The following CWC15 variants were observed in gnomAD, a reference collection of about 807,000 sequenced individuals.
CWC15 encodes the protein CWC15 spliceosome associated protein.
Under a neutral mutation model 28.4 loss-of-function variants are expected in CWC15, and 12 were observed. That is an observed-to-expected ratio of 0.42 (90% CI 0.27 to 0.69). The LOEUF is 0.69. CWC15 is among the 30% of genes least tolerant of loss of function. The probability of loss-of-function intolerance (pLI) is 0.23; values close to 1 mark genes in which losing one functional copy is unlikely to be tolerated. For synonymous variants in CWC15, 92 were observed against 88.4 expected (o/e 1.04, Z -0.23); for missense variants, 192 against 271.5 (o/e 0.71, Z 2.06).
At chr11:94,970,852 G>A (rs1857709336) in intron 4 of CWC15, 125 bp downstream of exon 4, 2 of 803,590 alleles carry the variant, frequency 2.5e-6, no homozygotes, top group Non-Finnish European at 4.3e-6. Flanking sequence ...TGAGGTCAGG[G>A]CTATATTTGA....
chr11:94,969,911 T>C, intron 5 of CWC15, 78 bp downstream of exon 5: 3 of 721,370 alleles, frequency 4.2e-6, no homozygotes, highest in Non-Finnish European at 6.4e-6. Context: ...TATAAGAAGA[T>C]ATTACTTATA....
chr11:94,963,971 T>C (rs1448595033), intron 6 of CWC15, among the ~76,000 whole-genome samples: 1 of 152,092 alleles, frequency 6.6e-6, no homozygotes, highest in Non-Finnish European at 1.5e-5. Flanking sequence ...TCATCTACTG[T>C]AATATCCACA....
At chr11:94,971,595 A>C (rs1857723245) in intron 2 of CWC15, 108 bp from the exon 3 acceptor site, 1 of 652,468 alleles carries the variant, frequency 1.5e-6, no homozygotes, top group Admixed American at 3.0e-5. Flanking sequence ...TTGTCCTTCA[A>C]GCAGAAAAAA....
intron 2 of CWC15, 38 bp from the exon 3 acceptor site, chr11:94,971,525 A>AC (rs1555096256): frequency 9.0e-5 from 70 of 781,220 alleles, no homozygotes; most frequent in Non-Finnish European, 6.4e-6. Flanking sequence ...ATGTTACTTA[A>AC]ACACACACAC....
At position 94,966,434 on chromosome 11, in the gene CWC15, T is replaced by C. The variant is rs1555095315; in HGVS notation, c.442-21A>G. On this transcript the variant is annotated intron_variant, in intron 5 of 6. Transcript: ENST00000279839. Reference sequence around the variant, plus strand: ...TGTTCCTGTCAATGATAAAGGAAGATTAACACTTACTTATTTTAACTCTGG... The same window carrying C: ...TGTTCCTGTCAATGATAAAGGAAGACTAACACTTACTTATTTTAACTCTGG... The C allele has an allele frequency of 6.1e-6, 9 of 1,473,454 alleles. No homozygotes were observed. In the South Asian group the frequency reaches 8.7e-5, roughly 14 times the overall value. 91.3% of individuals were successfully genotyped at this position (1,473,454 alleles called of 1,614,324 possible). A position where few individuals can be genotyped will look rare whatever the true frequency, so the allele number is the denominator to read the frequency against.
intron 2 of CWC15, 25 bp downstream of exon 2, chr11:94,972,030 C>T (rs1041697078): frequency 5.0e-6 from 8 of 1,599,214 alleles, no homozygotes; most frequent in Non-Finnish European, 6.8e-6. Context: ...GTTTTGTGAA[C>T]AATAAAAAAA....
chr11:94,973,056 G>GT (rs1565415224), intron 1 of CWC15, among the ~76,000 whole-genome samples: 1 of 150,740 alleles, frequency 6.6e-6, no homozygotes, highest in Non-Finnish European at 1.5e-5. Flanking sequence ...TTGGGGGGGG[G>GT]GCGATGCTAA....
Position 94,970,989 on chromosome 11 carries a change from G to A in CWC15, c.321C>T (p.Asp107=). 1.2e-6 allele frequency: 2 copies of A among 1,612,274 alleles called. No homozygotes were observed. Among genetic ancestry groups the A allele is most frequent in the Non-Finnish European group, 8.5e-7 (1 of 1,178,342 alleles). The change falls in exon 4 of 7, where the codon GAC becomes GAT. Residue 107 remains aspartate (D), a synonymous_variant. Coordinates refer to ENST00000279839, the MANE Select transcript of CWC15 (RefSeq NM_016403.4). ...AAACAAAACATACATCTGTTAGAGG[G>A]TCATCTGCATCAAGGTTGGCGGCAG... ...QIPAANLDAD[D]PLTDEEDEDF...
intron 5 of CWC15, among the ~76,000 whole-genome samples, chr11:94,969,182 T>A (rs1203852005): frequency 3.9e-5 from 6 of 152,172 alleles, no homozygotes; most frequent in Admixed American, 3.9e-4. Context: ...TCCTTGATAA[T>A]CAGCTTTATC....
At chr11:94,966,226 T>TATACACAC (rs1423710883) in intron 6 of CWC15, 69 bp downstream of exon 6, 22 of 670,734 alleles carry the variant, frequency 3.3e-5, no homozygotes, top group Middle Eastern at 3.5e-4. Flanking sequence ...CATACACATA[T>TATACACAC]ACACACACAC....
At chr11:94,968,151 A>T (rs1202575668) in intron 5 of CWC15, among the ~76,000 whole-genome samples, 10 of 152,224 alleles carry the variant, frequency 6.6e-5, no homozygotes, top group African/African-American at 2.4e-4. Context: ...TTATTGAAAC[A>T]TTGCCACACT....
intron 4 of CWC15, 61 bp downstream of exon 4, chr11:94,970,916 A>G: frequency 7.6e-7 from 1 of 1,315,736 alleles, no homozygotes; most frequent in South Asian, 1.2e-5. Context: ...AGACATAACA[A>G]GTATTTTAGA....
rs1857718064 is a variant in CWC15 at position 94,971,408 on chromosome 11, C to T, written c.211G>A (p.Ala71Thr). ...RELEERERAA[A>T]REKNRDRPTR... ...GGACGATCCCTATTTTTCTCTCTTG[C>T]AGCAGCTCTCTCTCTTTCTTCCAAC... The change falls in exon 3 of 7, where the codon GCA becomes ACA. Residue 71 changes from alanine (A) to threonine (T), a missense_variant. Ala to Thr is a moderately conservative substitution (Grantham distance 58). Around this residue, in one of 2 missense-constraint regions of CWC15, gnomAD observed 188 missense variants for 250.3 expected, o/e 0.75. Coordinates refer to ENST00000279839, the MANE Select transcript of CWC15 (RefSeq NM_016403.4). The T allele has an allele frequency of 6.2e-7, 1 of 1,612,834 alleles. No individual in the cohort carries two copies. The highest frequency in any genetic ancestry group is 8.5e-7 in the Non-Finnish European group (1 of 1,179,376).
intron 6 of CWC15, among the ~76,000 whole-genome samples, chr11:94,964,324 G>T (rs782751954): frequency 6.6e-5 from 10 of 152,118 alleles, no homozygotes; most frequent in Non-Finnish European, 1.2e-4. Context: ...AACTGCACAT[G>T]GGAACAAATG....
At chr11:94,966,272 A>G (rs949891727) in intron 6 of CWC15, 23 bp downstream of exon 6, 1 of 1,081,386 alleles carries the variant, frequency 9.2e-7, no homozygotes, top group African/African-American at 1.7e-5. Context: ...CACACACTCC[A>G]TTACTCCGTT....
intron 4 of CWC15, 87 bp from the exon 5 acceptor site, chr11:94,970,183 A>G (rs1857700360): frequency 3.7e-6 from 2 of 541,440 alleles, no homozygotes; most frequent in African/African-American, 2.0e-5. Context: ...TCACCCTAAG[A>G]AAGTCAAAAC....
At position 94,966,354 on chromosome 11, in the gene CWC15, G is replaced by A; in HGVS notation, c.501C>T (p.Asn167=). 6.4e-7 allele frequency: 1 copy of A among 1,559,668 alleles called. No homozygotes were observed. The highest frequency in any genetic ancestry group is 1.7e-4 in the Middle Eastern group (1 of 5,986). Residue 167 remains asparagine, a synonymous_variant, in exon 6 of 7, where the codon AAC becomes AAT. Coordinates refer to ENST00000279839, the MANE Select transcript of CWC15 (RefSeq NM_016403.4). The stretch of plus-strand genomic sequence containing the variant: ...ATGGGCCAGTGAGATTAAGGAGAGG[G>A]TTTCCGCTCAGAATGTTTTCCATAC... The part of the protein sequence containing the change: ...RIRMENILSG[N]PLLNLTGPSQ...
At chr11:94,971,136 G>T (rs1378830777) in intron 3 of CWC15, 71 bp from the exon 4 acceptor site, 1 of 1,354,384 alleles carries the variant, frequency 7.4e-7, no homozygotes, top group African/African-American at 1.4e-5. Flanking sequence ...TTAGGGACCT[G>T]TGAGCACAAG....
intron 6 of CWC15, among the ~76,000 whole-genome samples, chr11:94,964,291 G>A (rs1016505714): frequency 2.0e-5 from 3 of 151,894 alleles, no homozygotes; most frequent in African/African-American, 7.3e-5. Flanking sequence ...GTTTATGTGT[G>A]CATGCGCTTA....
Sources: allele counts gnomAD v4.1 joint callset (sites outside exome capture counted in the v4.1 genomes callset), GRCh38; gene constraint gnomAD v4.1.1; regional missense constraint gnomAD v4.1.1; transcripts MANE v1.5; gene names NCBI Gene and HGNC (gene_info 2026-07-23, HGNC 2026-07-21).